Variants in SSX7 observed in about 807,000 individuals in gnomAD.
SSX7 encodes SSX family member 7.
A neutral mutation model predicts 14.7 loss-of-function variants in SSX7; 15 were observed. The ratio of observed to expected loss-of-function variants is 1.02; its 90% CI spans 0.68 to 1.58. The LOEUF is 1.58. Ranked by LOEUF, SSX7 falls within the 40% of genes most tolerant of loss-of-function variation. SSX7 has a pLI of 0.00. For synonymous variants in SSX7, 46 were observed against 50.6 expected (o/e 0.91, Z 0.38); for missense variants, 178 against 146.8 (o/e 1.21, Z -1.10).
chrX:52,651,768 C>A (rs5986184), intron 4 of SSX7, among the ~76,000 whole-genome samples: 3 of 111,020 alleles, frequency 2.7e-5, no homozygotes, highest in African/African-American at 9.9e-5. Context: ...CCAGCTACTC[C>A]GGAGGCTGAG....
intron 6 of SSX7, among the ~76,000 whole-genome samples, chrX:52,645,938 CTT>C: frequency 9.0e-6 from 1 of 111,581 alleles, no homozygotes; most frequent in African/African-American, 3.3e-5. Context: ...AATTTTACAC[CTT>C]TCCGTTATTA....
At chrX:52,647,671 A>G (rs1556766496) in intron 6 of SSX7, among the ~76,000 whole-genome samples, 2 of 112,298 alleles carry the variant, frequency 1.8e-5, no homozygotes, top group African/African-American at 6.5e-5. Flanking sequence ...GAAGATTATT[A>G]GCATTTTTGA....
chrX:52,648,966 G>T, intron 5 of SSX7, among the ~76,000 whole-genome samples: 1 of 111,809 alleles, frequency 8.9e-6, no homozygotes, highest in Middle Eastern at 4.6e-3. Flanking sequence ...AATTCAGTGA[G>T]GTGGTACCCA....
At chrX:52,646,384 A>G (rs1925248539) in intron 6 of SSX7, among the ~76,000 whole-genome samples, 1 of 112,654 alleles carries the variant, frequency 8.9e-6, no homozygotes. Flanking sequence ...TTTTGTGCAT[A>G]CACAGTAGGT....
At chrX:52,654,382 T>TC (rs1319824566) in intron 1 of SSX7, among the ~76,000 whole-genome samples, 3 of 98,034 alleles carry the variant, frequency 3.1e-5, no homozygotes, top group African/African-American at 1.1e-4. Flanking sequence ...TTTTTTTTTT[T>TC]TTTGAGTCAT....
chrX:52,651,108 T>C (rs189888632), intron 4 of SSX7, among the ~76,000 whole-genome samples: 2 of 112,187 alleles, frequency 1.8e-5, no homozygotes, highest in Non-Finnish European at 3.8e-5. Flanking sequence ...TTTTTCACCC[T>C]ATGTTATCTC....
At chrX:52,648,589 A>C (rs1473649158) in intron 5 of SSX7, among the ~76,000 whole-genome samples, 193 bp from the exon 6 acceptor site, 2 of 111,961 alleles carry the variant, frequency 1.8e-5, no homozygotes, top group Non-Finnish European at 3.8e-5. Context: ...TATCGTTTCC[A>C]GGGCTAGAAT....
chrX:52,653,934 T>C (rs1455961551), intron 1 of SSX7, among the ~76,000 whole-genome samples: 2 of 111,505 alleles, frequency 1.8e-5, no homozygotes, highest in African/African-American at 6.5e-5. Context: ...GTGATGGATC[T>C]GATCAGGCAG....
Position 52,644,474 on chromosome X carries a change from C to G in SSX7, c.*201G>C, listed in dbSNP as rs1262757446. The G allele has an allele frequency of 3.9e-5, 23 of 593,601 alleles. No individual in the cohort carries two copies. Among genetic ancestry groups the G allele is most frequent in the Non-Finnish European group, 5.5e-5 (21 of 380,109 alleles). The allele number at this position is 593,601 out of a possible 1,213,427, so 48.9% of individuals were successfully genotyped here. On this transcript the variant is annotated 3_prime_UTR_variant, in exon 8 of 8. Coordinates refer to ENST00000298181, the MANE Select transcript of SSX7 (RefSeq NM_173358.2). ...CGCTAATATCTAACAGAATGGCACA[C>G]TGTAAGAAAATACAATGGAAACACT... is the stretch of plus-strand genomic sequence containing the variant.
Position 52,644,659 on chromosome X carries a change from G to C in SSX7, c.*16C>G, listed in dbSNP as rs1382315076. 7 of 1,195,925 alleles carry C rather than the reference G, an allele frequency of 5.9e-6. No homozygotes were observed. Among genetic ancestry groups the C allele is most frequent in the Non-Finnish European group, 7.8e-6 (7 of 893,998 alleles). On this transcript the variant is annotated 3_prime_UTR_variant, in exon 8 of 8. Coordinates refer to ENST00000298181, the MANE Select transcript of SSX7 (RefSeq NM_173358.2). ...CTGCTTCTCATCATGGGCATATGTC[G>C]TATCCCCGAGGCTGAGGCAAGAAGA...
At chrX:52,648,214 A>G (rs781875037) in intron 6 of SSX7, 47 bp downstream of exon 6, 59 of 1,192,071 alleles carry the variant, frequency 4.9e-5, no homozygotes, top group Non-Finnish European at 6.2e-5. Flanking sequence ...ACACCTGAAC[A>G]TAGCCACGGA....
At chrX:52,647,665 A>T (rs1556766492) in intron 6 of SSX7, among the ~76,000 whole-genome samples, 1 of 112,258 alleles carries the variant, frequency 8.9e-6, no homozygotes, top group Non-Finnish European at 1.9e-5. Context: ...GACTCAGAAG[A>T]TTATTAGCAT....
chrX:52,648,833 TG>T (rs1925334627), intron 5 of SSX7, among the ~76,000 whole-genome samples: 1 of 110,825 alleles, frequency 9.0e-6, no homozygotes, highest in Non-Finnish European at 1.9e-5. Context: ...AAAGATGGTG[TG>T]GGGAGATTAA....
rs146690510 is a variant in SSX7, at chrX:52,645,467, G to T, written c.543C>A (p.Ser181Arg). The T allele has an allele frequency of 5.8e-6, 7 of 1,198,445 alleles. No individual in the cohort carries two copies. The highest frequency in any genetic ancestry group is 6.7e-6 in the Non-Finnish European group (6 of 889,600). The change falls in exon 7 of 8, where the codon AGC becomes AGA. Residue 181 changes from serine (S) to arginine (R), a missense_variant. Transcript: ENST00000298181. ...RKQLVIYEEISDPEEDDE is the reference protein window; with the variant it reads ...RKQLVIYEEIRDPEEDDE Reference sequence around the variant, plus strand: ...GTTACTCGTCGTCTTCTTCAGGGTCGCTGATCTCTTCATAAATCACCAGCT... The same window carrying T: ...GTTACTCGTCGTCTTCTTCAGGGTCTCTGATCTCTTCATAAATCACCAGCT...
rs1257966107 is a variant in SSX7 at position 52,650,510 on chromosome X, T to C, written c.281-108A>G. On this transcript the variant is annotated intron_variant, in intron 4 of 7. Transcript: ENST00000298181. The stretch of plus-strand genomic sequence containing the variant: ...CAGCAGAGTGTTATGAGTCCACTCA[T>C]TGTTGAGGAGTTATTTCAGTTTTGC... The C allele has an allele frequency of 3.0e-4, 261 of 880,233 alleles. 1 individual carries two copies. Among genetic ancestry groups the C allele is most frequent in the South Asian group, 5.6e-4 (25 of 44,722 alleles). The allele number at this position is 880,233 out of a possible 1,213,427, so 72.5% of individuals were successfully genotyped here.
rs782546960 is a variant in SSX7, at chrX:52,652,962, T to C, written c.92A>G (p.Tyr31Cys). 29 of 1,198,843 alleles carry C rather than the reference T, an allele frequency of 2.4e-5. No homozygotes were observed. The highest frequency in any genetic ancestry group is 3.2e-5 in the Non-Finnish European group (28 of 887,684). The change falls in exon 3 of 8, where the codon TAC becomes TGC. Residue 31 changes from tyrosine (Y) to cysteine (C), a missense_variant. Coordinates refer to ENST00000298181, the MANE Select transcript of SSX7 (RefSeq NM_173358.2). ...CTTTTCCCACTCTTTCTTAGAGAAG[T>C]ATTTGGCAATATCATCGAAGGACTA... is the stretch of plus-strand genomic sequence containing the variant. ...IQKSFDDIAK[Y>C]FSKKEWEKMK... is the part of the protein sequence containing the mutation.
At position 52,645,464 on chromosome X, in the gene SSX7, G is replaced by T. The variant is rs112382781; in HGVS notation, c.546C>A (p.Asp182Glu). The change falls in exon 7 of 8, where the codon GAC becomes GAA. Residue 182 changes from aspartate (D) to glutamate (E), a missense_variant. Asp to Glu is a conservative substitution (Grantham distance 45). Transcript: ENST00000298181. ...KQLVIYEEISDPEEDDE is the reference protein window; with the variant it reads ...KQLVIYEEISEPEEDDE The stretch of plus-strand genomic sequence containing the variant: ...GGAGTTACTCGTCGTCTTCTTCAGG[G>T]TCGCTGATCTCTTCATAAATCACCA... 149,811 of 1,195,077 alleles carry T rather than the reference G, an allele frequency of 0.13. 7,206 individuals are homozygous for T. Among genetic ancestry groups the T allele is most frequent in the Non-Finnish European group, 0.14 (125,962 of 886,903 alleles).
intron 7 of SSX7, among the ~76,000 whole-genome samples, chrX:52,645,188 G>A (rs782283364): frequency 8.2e-5 from 9 of 109,133 alleles, no homozygotes; most frequent in South Asian, 4.2e-4. Flanking sequence ...GGAGAATGGC[G>A]TGAACCCGTG....
Position 52,648,267 on chromosome X carries a change from T to C in SSX7, c.460A>G (p.Thr154Ala). Residue 154 changes from threonine (T) to alanine (A), a missense_variant, in exon 6 of 8, where the codon ACA becomes GCA. Thr to Ala is a moderately conservative substitution (Grantham distance 58, BLOSUM62 0). Transcript: ENST00000298181. ...KPSTSEKINK[T>A]SGPKRGKHAW... ...CCGAATTCTTTCCTCTTACCGGATG[T>C]CTTGTTAATCTTCTCAGAGGTACTT... The C allele has an allele frequency of 8.3e-7, 1 of 1,208,731 alleles. No individual in the cohort carries two copies. The highest frequency in any genetic ancestry group is 1.1e-6 in the Non-Finnish European group (1 of 894,561).
Sources: gnomAD v4.1 joint callset for allele counts (sites outside exome capture counted in the v4.1 genomes callset) on GRCh38, gnomAD v4.1.1 for gene constraint, MANE v1.5 for transcripts, NCBI Gene and HGNC (gene_info 2026-07-23, HGNC 2026-07-21) for gene names.